Variants in CLIP4 observed in about 807,000 individuals in gnomAD.
The protein encoded by CLIP4 is CAP-Gly domain containing linker protein family member 4.
CLIP4 carries 47 observed loss-of-function variants against 73.1 expected under a neutral mutation model. That is an observed-to-expected ratio of 0.64 (90% CI 0.51 to 0.82). The LOEUF (loss-of-function observed/expected upper bound fraction) is 0.82. CLIP4 is among the 40% of genes least tolerant of loss of function. CLIP4 has a pLI of 0.00. For missense variants in CLIP4, 874 were observed against 852.9 expected (o/e 1.02, Z -0.31); for synonymous variants, 306 against 295.4 (o/e 1.04, Z -0.37).
Position 29,133,750 on chromosome 2 carries a change from C to T in CLIP4, c.463C>T (p.His155Tyr), listed in dbSNP as rs1665145774. Residue 155 changes from histidine (H) to tyrosine (Y), a missense_variant, in exon 5 of 16, where the codon CAT becomes TAT. Coordinates refer to ENST00000320081, the MANE Select transcript of CLIP4 (RefSeq NM_024692.6). ...RSRWTNMNAL[H>Y]YAAYFDVPEL... is the part of the protein sequence containing the mutation. ...TCGCTGGACAAACATGAATGCTTTG[C>T]ATTATGCTGCTTATTTTGATGTCCC... 1.9e-6 allele frequency: 3 copies of T among 1,613,442 alleles called. No homozygotes were observed. The highest frequency in any genetic ancestry group is 2.5e-6 in the Non-Finnish European group (3 of 1,179,828).
At chr2:29,145,162 A>C (rs1666067385) in intron 7 of CLIP4, 70 bp from the exon 8 acceptor site, 1 of 1,359,722 alleles carries the variant, frequency 7.4e-7, no homozygotes. Flanking sequence ...GGTGAAGTAA[A>C]GTTGCAAGAG....
intron 11 of CLIP4, among the ~76,000 whole-genome samples, chr2:29,158,528 G>A (rs868329198): frequency 6.6e-6 from 1 of 150,936 alleles, no homozygotes; most frequent in African/African-American, 2.5e-5. Flanking sequence ...GAGATGGGCC[G>A]AGAATGGGAG....
intron 9 of CLIP4, among the ~76,000 whole-genome samples, chr2:29,154,817 C>G (rs550665465): frequency 6.6e-6 from 1 of 152,136 alleles, no homozygotes; most frequent in South Asian, 2.1e-4. Context: ...ATTCAAACAG[C>G]ATTGCAGAGG....
At chr2:29,101,049 G>A (rs543647293) in intron 1 of CLIP4, among the ~76,000 whole-genome samples, 7 of 152,114 alleles carry the variant, frequency 4.6e-5, no homozygotes, top group Admixed American at 6.5e-5. Flanking sequence ...CCAGCACTTC[G>A]GGAGGCAGAG....
At chr2:29,139,596 G>A (rs953466529) in intron 6 of CLIP4, among the ~76,000 whole-genome samples, 4 of 152,098 alleles carry the variant, frequency 2.6e-5, no homozygotes, top group African/African-American at 9.7e-5. Context: ...ATTTGGCTGT[G>A]AATCCATTCG....
At chr2:29,154,477 C>A (rs1488137896) in intron 9 of CLIP4, among the ~76,000 whole-genome samples, 1 of 152,180 alleles carries the variant, frequency 6.6e-6, no homozygotes, top group Non-Finnish European at 1.5e-5. Context: ...GGTCCAAGGA[C>A]ATAGATGGAA....
At chr2:29,112,593 C>G (rs1244657128), upstream of CLIP4, among the ~76,000 whole-genome samples, 1 of 152,248 alleles carries the variant, frequency 6.6e-6, no homozygotes, top group Admixed American at 6.5e-5. Context: ...TGATCTTGTA[C>G]TTGGCAACCT....
chr2:29,122,363 G>A lies in CLIP4; in HGVS notation c.133+842G>A, dbSNP rs369219293. On this transcript the variant is annotated intron_variant, in intron 2 of 15. Transcript: ENST00000320081. Reference sequence around the variant, plus strand: ...TGCAGGTTTTGCAGTAATCAACTGGGCTTATTTTCAGATATAACAAAATCA... The same window carrying A: ...TGCAGGTTTTGCAGTAATCAACTGGACTTATTTTCAGATATAACAAAATCA... Among the ~76,000 whole-genome samples, 7 of 152,010 alleles carry A rather than the reference G, an allele frequency of 4.6e-5. 1 individual carries two copies. The highest frequency in any genetic ancestry group is 1.7e-4 in the African/African-American group (7 of 41,464).
chr2:29,116,703 T>C (rs1411282367), intron 1 of CLIP4, among the ~76,000 whole-genome samples: 1 of 152,256 alleles, frequency 6.6e-6, no homozygotes, highest in African/African-American at 2.4e-5. Context: ...CTTTCGTAAA[T>C]ATGATGCATT....
chr2:29,159,545 C>T (rs899090852), intron 11 of CLIP4, among the ~76,000 whole-genome samples: 1 of 151,980 alleles, frequency 6.6e-6, no homozygotes, highest in African/African-American at 2.4e-5. Context: ...GCAATTTAAC[C>T]TTCAAATCAC....
intron 5 of CLIP4, among the ~76,000 whole-genome samples, chr2:29,135,021 T>C (rs1665248852): frequency 1.3e-5 from 2 of 152,118 alleles, no homozygotes; most frequent in Non-Finnish European, 2.9e-5. Flanking sequence ...TTGGACCATA[T>C]GGTCTCTGAT....
At chr2:29,175,928 A>AT (rs1422588945) in intron 15 of CLIP4, among the ~76,000 whole-genome samples, 1 of 151,898 alleles carries the variant, frequency 6.6e-6, no homozygotes, top group Admixed American at 6.6e-5. Context: ...CACCCGGCTA[A>AT]TTTTTTGTAT....
chr2:29,117,217 A>G (rs1010164659), intron 1 of CLIP4, among the ~76,000 whole-genome samples: 1 of 152,214 alleles, frequency 6.6e-6, no homozygotes, highest in Non-Finnish European at 1.5e-5. Flanking sequence ...TTCTTTTTGC[A>G]TTACCCAATA....
chr2:29,140,557 T>C (rs368828850), intron 6 of CLIP4, among the ~76,000 whole-genome samples: 133 of 152,260 alleles, frequency 8.7e-4, no homozygotes, highest in African/African-American at 2.8e-3. Flanking sequence ...CATGTGTCTT[T>C]ATAGCAGCAT....
chr2:29,103,049 C>G (rs1414237382), intron 1 of CLIP4, among the ~76,000 whole-genome samples: 1 of 152,148 alleles, frequency 6.6e-6, no homozygotes, highest in African/African-American at 2.4e-5. Flanking sequence ...ACCTACCAGC[C>G]TGTCCCGTGC....
intron 13 of CLIP4, among the ~76,000 whole-genome samples, chr2:29,165,444 A>T (rs1461926623): frequency 6.6e-6 from 1 of 152,208 alleles, no homozygotes; most frequent in Non-Finnish European, 1.5e-5. Flanking sequence ...AAGGGGTGAC[A>T]TGTGCTGTGC....
chr2:29,176,734 C>T (rs1407931720), intron 15 of CLIP4, among the ~76,000 whole-genome samples: 1 of 152,192 alleles, frequency 6.6e-6, no homozygotes. Context: ...GATCTGTCTC[C>T]TGTCCTGTTG....
At chr2:29,125,615 C>T (rs1213728804) in intron 2 of CLIP4, among the ~76,000 whole-genome samples, 2 of 152,190 alleles carry the variant, frequency 1.3e-5, no homozygotes, top group African/African-American at 2.4e-5. Context: ...TTGGTTCCCC[C>T]TGCCCCACCC....
chr2:29,122,240 C>CTTTTTTTTTT (rs11359647), intron 2 of CLIP4, among the ~76,000 whole-genome samples: 1 of 135,274 alleles, frequency 7.4e-6, no homozygotes. Context: ...CTCCAAGTTT[C>CTTTTTTTTTT]TTTTTTTTTT....
Sources: allele counts gnomAD v4.1 joint callset (sites outside exome capture counted in the v4.1 genomes callset), GRCh38; gene constraint gnomAD v4.1.1; transcripts MANE v1.5; gene names NCBI Gene and HGNC (gene_info 2026-07-23, HGNC 2026-07-21).